The following RIMS2 variants were observed in gnomAD, a reference collection of about 807,000 sequenced individuals.
The protein encoded by RIMS2 is regulating synaptic membrane exocytosis 2.
Under a neutral mutation model 174.4 loss-of-function variants are expected in RIMS2, and 59 were observed. The ratio of observed to expected loss-of-function variants is 0.34; its 90% CI spans 0.27 to 0.42. The LOEUF (loss-of-function observed/expected upper bound fraction) is 0.42, where lower values mean the gene tolerates loss of function less well. Among genes scored for constraint, RIMS2 ranks in the 10% least tolerant of loss-of-function variants. The pLI, the probability that RIMS2 is intolerant of heterozygous loss-of-function variation, is 1.00. For synonymous variants in RIMS2, 606 were observed against 572.5 expected, an observed-to-expected ratio of 1.06 and a Z score of -0.84; for missense variants, 1,620 against 1,666.3, an observed-to-expected ratio of 0.97 and a Z score of 0.48.
At chr8:103,652,362 C>A in intron 1 of RIMS2, 125 bp downstream of exon 2, 2 of 543,302 alleles carry the variant, frequency 3.7e-6, no homozygotes, top group Non-Finnish European at 3.2e-6. Context: ...CTTTCTGACT[C>A]TCTGGCTTGT....
intron 19 of RIMS2, among the ~76,000 whole-genome samples, chr8:104,173,513 C>T (rs116830028): frequency 6.7e-6 from 1 of 148,608 alleles, no homozygotes; most frequent in Non-Finnish European, 1.5e-5. Flanking sequence ...TGGTTTTGAT[C>T]ATGAGAGTTT....
intron 19 of RIMS2, among the ~76,000 whole-genome samples, chr8:104,218,651 G>C (rs1021905469): frequency 1.3e-5 from 2 of 152,100 alleles, no homozygotes; most frequent in African/African-American, 4.8e-5. Flanking sequence ...GACAGTGACA[G>C]ATCATCAAGC....
chr8:104,059,760 T>C (rs34561512), intron 19 of RIMS2, among the ~76,000 whole-genome samples: 31,798 of 151,484 alleles, frequency 0.21, 3,719 homozygotes, highest in Middle Eastern at 0.27. Flanking sequence ...ACCTAATTTA[T>C]TGAGAGTTTT....
In RIMS2 at chr8:104,013,672, C is replaced by T. The variant is rs377663435; in HGVS notation, c.3224+51C>T. 3.8e-5 allele frequency: 56 copies of T among 1,485,952 alleles called. 1 individual carries two copies. The African/African-American group carries it at 5.9e-4, about 16-fold the overall frequency. The allele number at this position is 1,485,952 out of a possible 1,614,324, so 92.0% of individuals were successfully genotyped here. ...TTTCCCCTTTGCCCCACCAGCACAC[C>T]ATTTTATTTTCCCAACAGTTAACTG... On this transcript the variant is annotated intron_variant, in intron 18 of 23. Coordinates refer to ENST00000504942, the Ensembl canonical transcript of RIMS2.
At chr8:103,768,467 A>G in intron 3 of RIMS2, 1 of 798,752 alleles carries the variant, frequency 1.3e-6, no homozygotes, top group Non-Finnish European at 2.3e-6. Context: ...ATGGTTCCCC[A>G]TGAAGAGGGG....
At chr8:104,138,613 A>T (rs2098541253) in intron 19 of RIMS2, among the ~76,000 whole-genome samples, 1 of 152,136 alleles carries the variant, frequency 6.6e-6, no homozygotes, top group Non-Finnish European at 1.5e-5. Flanking sequence ...CCATTTAAAA[A>T]TTGGATTATT....
intron 17 of RIMS2, among the ~76,000 whole-genome samples, chr8:103,995,087 T>A (rs905173577): frequency 3.3e-5 from 5 of 152,270 alleles, no homozygotes; most frequent in African/African-American, 4.8e-5. Context: ...TATACTTTTT[T>A]AAATATTTCC....
At chr8:103,685,340 G>C (rs1438886193) in intron 1 of RIMS2, among the ~76,000 whole-genome samples, 1 of 151,918 alleles carries the variant, frequency 6.6e-6, no homozygotes, top group Non-Finnish European at 1.5e-5. Context: ...GCAAGGGCAG[G>C]GAGTAGTCCC....
chr8:103,900,725 G>A (rs2099323709), intron 4 of RIMS2, among the ~76,000 whole-genome samples: 1 of 152,084 alleles, frequency 6.6e-6, no homozygotes, highest in Admixed American at 6.6e-5. Flanking sequence ...CCTTTCCTGT[G>A]TTTACTGTTA....
At chr8:104,138,491 T>C (rs901938547) in intron 19 of RIMS2, among the ~76,000 whole-genome samples, 5 of 152,194 alleles carry the variant, frequency 3.3e-5, no homozygotes, top group East Asian at 3.8e-4. Flanking sequence ...TGATATTTCA[T>C]TGTAGTTTTG....
Position 103,727,033 on chromosome 8 carries a change from A to G in RIMS2, c.387+29737A>G, listed in dbSNP as rs1488514524. On this transcript the variant is annotated intron_variant, in intron 2 of 23. Transcript: ENST00000504942. ...ATTACAGGTGTGAGCCACCGCACCC[A>G]GCCAATTTTATGTATTTCTTAATAA... Among the ~76,000 whole-genome samples, 5 of 151,626 alleles carry G rather than the reference A, an allele frequency of 3.3e-5. No individual in the cohort carries two copies. The East Asian group carries it at 7.7e-4, about 23-fold the overall frequency.
intron 3 of RIMS2, among the ~76,000 whole-genome samples, chr8:103,794,704 C>T (rs186046075): frequency 2.0e-4 from 31 of 152,252 alleles, no homozygotes; most frequent in Admixed American, 1.9e-3. Context: ...GGCTAATATC[C>T]AGAATCTACA....
At chr8:103,927,868 G>T (rs770115940) in exon 11 of RIMS2, 1 of 1,607,754 alleles carries the variant, frequency 6.2e-7, no homozygotes, top group Non-Finnish European at 8.5e-7. Flanking sequence ...GAAGAACAAC[G>T]CCTTTTGTTC....
intron 19 of RIMS2, among the ~76,000 whole-genome samples, chr8:104,156,697 T>A (rs948531225): frequency 3.9e-5 from 6 of 152,178 alleles, no homozygotes; most frequent in Admixed American, 2.0e-4. Context: ...AGAAGTGAGA[T>A]TTTTAGAGAT....
intron 1 of RIMS2, among the ~76,000 whole-genome samples, chr8:103,637,694 A>T (rs12335100): frequency 0.06 from 9,093 of 152,264 alleles, 907 homozygotes; most frequent in African/African-American, 0.2. Context: ...TTACACAATT[A>T]CAGTGTATTT....
intron 8 of RIMS2, 22 bp from the exon 12 acceptor site, chr8:103,918,419 T>C (rs1003811280): frequency 3.5e-6 from 3 of 849,396 alleles, no homozygotes; most frequent in East Asian, 3.9e-5. Flanking sequence ...TCTGTCTTTC[T>C]TTTTTTTTTT....
At chr8:103,720,810 A>G (rs2097436943) in intron 2 of RIMS2, among the ~76,000 whole-genome samples, 1 of 152,220 alleles carries the variant, frequency 6.6e-6, no homozygotes, top group African/African-American at 2.4e-5. Context: ...GAGAGAGGCT[A>G]CTGACTATTT....
At chr8:104,060,027 TTC>T (rs1443329072) in intron 19 of RIMS2, among the ~76,000 whole-genome samples, 1 of 151,990 alleles carries the variant, frequency 6.6e-6, no homozygotes, top group Non-Finnish European at 1.5e-5. Context: ...TGGTCTAAAA[TTC>T]TCTTTTTTGG....
intron 3 of RIMS2, chr8:103,819,319 A>G (rs974914572): frequency 1.1e-5 from 15 of 1,424,124 alleles, no homozygotes; most frequent in Non-Finnish European, 1.3e-5. Context: ...ATCTTCTACG[A>G]CTGAATTAGA....
Sources: allele counts gnomAD v4.1 joint callset (sites outside exome capture counted in the v4.1 genomes callset), GRCh38; gene constraint gnomAD v4.1.1; transcripts MANE v1.5; gene names NCBI Gene and HGNC (gene_info 2026-07-23, HGNC 2026-07-21).